Variants in CYRIB observed in about 807,000 individuals in gnomAD.
CYRIB encodes CYFIP related Rac1 interactor B, also known as CYFIP-related Rac1 interactor B.
Under a neutral mutation model 44.2 loss-of-function variants are expected in CYRIB, and 8 were observed. The ratio of observed to expected loss-of-function variants is 0.18; its 90% CI spans 0.11 to 0.33. CYRIB has a LOEUF of 0.33. Ranked by LOEUF, CYRIB falls within the 10% of genes least tolerant of loss-of-function variation. The probability of loss-of-function intolerance (pLI) is 1.00; values close to 1 mark genes in which losing one functional copy is unlikely to be tolerated. For synonymous variants in CYRIB, 131 were observed against 127.2 expected (o/e 1.03, Z -0.20); for missense variants, 185 against 382.8 (o/e 0.48, Z 4.31).
At chr8:129,847,558 A>G (rs1247140789) in intron 10 of CYRIB, among the ~76,000 whole-genome samples, 1 of 152,254 alleles carries the variant, frequency 6.6e-6, no homozygotes, top group East Asian at 1.9e-4. Flanking sequence ...AGAGTAAAGT[A>G]TCACACAGAG....
chr8:129,849,648 A>G (rs577897601), intron 9 of CYRIB: 1 of 272,918 alleles, frequency 3.7e-6, no homozygotes, highest in African/African-American at 2.2e-5. Context: ...AGGTATACTA[A>G]CATTATGCCC....
At chr8:129,874,021 G>A in intron 3 of CYRIB, among the ~76,000 whole-genome samples, 1 of 151,868 alleles carries the variant, frequency 6.6e-6, no homozygotes, top group East Asian at 1.9e-4. Context: ...CATGCAAAAG[G>A]GTGAAATACT....
chr8:129,857,973 A>G (rs942481919), intron 5 of CYRIB, among the ~76,000 whole-genome samples: 2 of 152,226 alleles, frequency 1.3e-5, no homozygotes, highest in African/African-American at 2.4e-5. Flanking sequence ...TGGGATGGTC[A>G]GTGACCAGTA....
intron 3 of CYRIB, 23 bp downstream of exon 5, chr8:129,879,366 T>G (rs761577563): frequency 1.3e-6 from 2 of 1,525,922 alleles, no homozygotes; most frequent in Admixed American, 3.4e-5. Context: ...CAAAGAGAAA[T>G]AGATATAAAA....
intron 1 of CYRIB, among the ~76,000 whole-genome samples, chr8:129,997,076 G>GGGAA (rs1199577339): frequency 4.8e-4 from 67 of 139,470 alleles, no homozygotes; most frequent in East Asian, 1.1e-3. Flanking sequence ...GAGGGAGGGA[G>GGGAA]GGAGGGAGGG....
chr8:129,857,167 A>G (rs910835959), intron 5 of CYRIB, among the ~76,000 whole-genome samples: 8 of 152,154 alleles, frequency 5.3e-5, no homozygotes, highest in African/African-American at 1.9e-4. Context: ...CACTGGGAAA[A>G]TGGATGTAGA....
intron 4 of CYRIB, among the ~76,000 whole-genome samples, chr8:129,866,770 C>T (rs2053867421): frequency 6.6e-6 from 1 of 152,188 alleles, no homozygotes; most frequent in African/African-American, 2.4e-5. Flanking sequence ...ATAACCATTT[C>T]CCTGCCCCTG....
At chr8:129,896,250 C>A (rs2067988653) in intron 2 of CYRIB, among the ~76,000 whole-genome samples, 1 of 152,174 alleles carries the variant, frequency 6.6e-6, no homozygotes, top group South Asian at 2.1e-4. Context: ...AAACTAAGGG[C>A]ATCCCATAAA....
At position 129,954,085 on chromosome 8, in the gene CYRIB, G is replaced by A. The variant is rs147556070; in HGVS notation, c.-243+16858C>T. Among the ~76,000 whole-genome samples, 474 of 152,172 alleles carry A rather than the reference G, an allele frequency of 3.1e-3. 4 individuals carry two copies. Among genetic ancestry groups the A allele is most frequent in the African/African-American group, 0.011 (461 of 41,504 alleles). On this transcript the variant is annotated intron_variant, in intron 2 of 14. Coordinates refer to the CYRIB transcript ENST00000401979. ...GTTAGAACACAGGTTTAATGAGAAC[G>A]TATCCCTCTCCCCAAGTTGTAATAC...
intron 2 of CYRIB, among the ~76,000 whole-genome samples, chr8:129,955,554 C>G (rs2094775741): frequency 6.6e-6 from 1 of 152,146 alleles, no homozygotes; most frequent in African/African-American, 2.4e-5. Context: ...TTCAAGGTAA[C>G]TTATTTCCTC....
chr8:129,840,607 A>G (rs527336159), exon 12 of CYRIB: 1 of 152,412 alleles, frequency 6.6e-6, no homozygotes, highest in Admixed American at 6.5e-5. Flanking sequence ...TGAAGGAGGT[A>G]ATAGAAGCTA....
At chr8:129,963,063 T>C (rs777329500) in intron 2 of CYRIB, among the ~76,000 whole-genome samples, 5 of 152,206 alleles carry the variant, frequency 3.3e-5, no homozygotes, top group Non-Finnish European at 7.3e-5. Context: ...AGAAAGACAG[T>C]TGGACTCAGT....
intron 3 of CYRIB, among the ~76,000 whole-genome samples, chr8:129,874,723 T>C (rs2058542843): frequency 2.6e-5 from 4 of 152,164 alleles, no homozygotes; most frequent in Admixed American, 6.5e-5. Context: ...ACTATGATCC[T>C]ATATCATTTT....
intron 2 of CYRIB, among the ~76,000 whole-genome samples, chr8:129,968,070 T>C (rs2095554696): frequency 6.6e-6 from 1 of 152,216 alleles, no homozygotes; most frequent in Non-Finnish European, 1.5e-5. Context: ...GACCATGAGC[T>C]AGTGGCTTAA....
At chr8:129,843,130 T>C (rs1239686769) in intron 11 of CYRIB, among the ~76,000 whole-genome samples, 3 of 152,168 alleles carry the variant, frequency 2.0e-5, no homozygotes, top group Non-Finnish European at 4.4e-5. Flanking sequence ...AGAAAGATAA[T>C]GATACACTAA....
intron 2 of CYRIB, among the ~76,000 whole-genome samples, chr8:129,889,526 T>A (rs2064194849): frequency 6.6e-6 from 1 of 152,214 alleles, no homozygotes; most frequent in Non-Finnish European, 1.5e-5. Flanking sequence ...CCATTCTGGA[T>A]ACCGTTAAGA....
intron 8 of CYRIB, chr8:129,851,303 G>C: frequency 5.1e-6 from 1 of 196,106 alleles, no homozygotes. Context: ...AGATTACTTG[G>C]TTGCTCTATG....
Position 129,867,815 on chromosome 8 carries a change from A to G in CYRIB, c.195+3560T>C, listed in dbSNP as rs1362946313. 2.6e-5 allele frequency among the ~76,000 whole-genome samples: 4 copies of G among 152,256 alleles called. No individual in the cohort carries two copies. In the East Asian group the frequency reaches 5.8e-4, roughly 22 times the overall value. On this transcript the variant is annotated intron_variant, in intron 4 of 11. Coordinates refer to ENST00000519824, the Ensembl canonical transcript of CYRIB. Reference sequence around the variant, plus strand: ...TTTTTACATTGACATTTCCTCTTAAACTAGTTGTTTGCAATGTTTTATAAA... The same window carrying G: ...TTTTTACATTGACATTTCCTCTTAAGCTAGTTGTTTGCAATGTTTTATAAA...
At chr8:129,922,243 C>T (rs2084052464) in intron 1 of CYRIB, among the ~76,000 whole-genome samples, 1 of 152,100 alleles carries the variant, frequency 6.6e-6, no homozygotes, top group African/African-American at 2.4e-5. Context: ...TCCAAATTAC[C>T]TAGTCAGTTT....
Sources: allele counts gnomAD v4.1 joint callset (sites outside exome capture counted in the v4.1 genomes callset), GRCh38; gene constraint gnomAD v4.1.1; transcripts MANE v1.5; gene names NCBI Gene and HGNC (gene_info 2026-07-23, HGNC 2026-07-21).